The following DLG2 variants were observed in gnomAD, a reference collection of about 807,000 sequenced individuals.
DLG2 encodes the protein disks large homolog 2.
DLG2 carries 45 observed loss-of-function variants against 132.5 expected under a neutral mutation model. That is an observed-to-expected ratio of 0.34 (90% CI 0.27 to 0.44). The LOEUF is 0.44. Among genes scored for constraint, DLG2 ranks in the 20% least tolerant of loss-of-function variants. The pLI, the probability that DLG2 is intolerant of heterozygous loss-of-function variation, is 1.00. For missense variants in DLG2, 1,045 were observed against 1,196.9 expected (o/e 0.87, Z 1.87); for synonymous variants, 424 against 419.6 (o/e 1.01, Z -0.13).
At chr11:84,421,608 T>A (rs953379433) in intron 7 of DLG2, among the ~76,000 whole-genome samples, 1 of 152,220 alleles carries the variant, frequency 6.6e-6, no homozygotes, top group African/African-American at 2.4e-5. Flanking sequence ...GAATCTGATC[T>A]TATCAACCTC....
At chr11:84,867,729 A>C (rs1398911133) in intron 6 of DLG2, among the ~76,000 whole-genome samples, 3 of 152,208 alleles carry the variant, frequency 2.0e-5, no homozygotes, top group Admixed American at 6.5e-5. Context: ...CTGAGAATGT[A>C]AACACATCAA....
At chr11:84,245,938 C>T (rs1246423306) in intron 8 of DLG2, among the ~76,000 whole-genome samples, 1 of 152,178 alleles carries the variant, frequency 6.6e-6, no homozygotes, top group Non-Finnish European at 1.5e-5. Context: ...CTTATTCTGG[C>T]CAATTGGGTG....
intron 6 of DLG2, among the ~76,000 whole-genome samples, chr11:84,998,027 T>A (rs1359890071): frequency 6.6e-6 from 1 of 152,250 alleles, no homozygotes; most frequent in Non-Finnish European, 1.5e-5. Context: ...ATAATTATTT[T>A]AAAATTGTTT....
chr11:85,324,991 G>T (rs1468412629), intron 3 of DLG2, among the ~76,000 whole-genome samples: 25 of 144,822 alleles, frequency 1.7e-4, no homozygotes, highest in African/African-American at 6.3e-4. Context: ...TTCCCTTTCC[G>T]AGTCAAAGAA....
intron 6 of DLG2, among the ~76,000 whole-genome samples, chr11:84,704,496 T>C (rs1210474604): frequency 6.6e-6 from 1 of 151,526 alleles, no homozygotes; most frequent in Non-Finnish European, 1.5e-5. Flanking sequence ...CAGTCATTCC[T>C]TCATGTATAC....
At chr11:84,391,759 C>A (rs2098793220) in intron 7 of DLG2, among the ~76,000 whole-genome samples, 1 of 149,678 alleles carries the variant, frequency 6.7e-6, no homozygotes, top group African/African-American at 2.5e-5. Context: ...TCCTAAAAAC[C>A]AAATTTAAAT....
intron 3 of DLG2, among the ~76,000 whole-genome samples, chr11:85,302,761 T>C (rs933878785): frequency 6.6e-6 from 1 of 151,948 alleles, no homozygotes; most frequent in Non-Finnish European, 1.5e-5. Context: ...AGAATGGCTG[T>C]TGAGGATATA....
At chr11:83,719,194 T>A (rs762413827) in intron 18 of DLG2, among the ~76,000 whole-genome samples, 21 of 152,176 alleles carry the variant, frequency 1.4e-4, no homozygotes, top group Non-Finnish European at 1.2e-4. Flanking sequence ...ATATGGCACT[T>A]GGGACACATT....
At chr11:83,797,219 A>AAAGAAG (rs57382244) in intron 17 of DLG2, among the ~76,000 whole-genome samples, 73 of 151,422 alleles carry the variant, frequency 4.8e-4, no homozygotes, top group East Asian at 1.4e-3. Context: ...TGATGAAGGA[A>AAAGAAG]AAGAAGAAGA....
chr11:84,718,108 C>A (rs1160250478), intron 6 of DLG2, among the ~76,000 whole-genome samples: 3 of 151,894 alleles, frequency 2.0e-5, no homozygotes, highest in African/African-American at 7.2e-5. Flanking sequence ...AAGATAGAAT[C>A]CTTATGTCAA....
At chr11:84,930,574 A>G (rs2047966766) in intron 6 of DLG2, among the ~76,000 whole-genome samples, 1 of 152,128 alleles carries the variant, frequency 6.6e-6, no homozygotes, top group Admixed American at 6.6e-5. Flanking sequence ...CACTTAGTAG[A>G]TAGTTGCCTT....
intron 4 of DLG2, among the ~76,000 whole-genome samples, chr11:85,180,182 C>A (rs1289448782): frequency 6.6e-6 from 1 of 151,776 alleles, no homozygotes; most frequent in Non-Finnish European, 1.5e-5. Context: ...TAATACCATC[C>A]AAAGTTTGAT....
intron 7 of DLG2, among the ~76,000 whole-genome samples, chr11:84,323,348 CTTG>C (rs2098415039): frequency 6.6e-6 from 1 of 152,104 alleles, no homozygotes; most frequent in African/African-American, 2.4e-5. Context: ...AGGATTCACC[CTTG>C]TTGTAGCATA....
chr11:85,606,680 G>A (rs2080572555), intron 2 of DLG2, among the ~76,000 whole-genome samples: 3 of 152,228 alleles, frequency 2.0e-5, no homozygotes, highest in Admixed American at 6.5e-5. Context: ...AAATCTTGCT[G>A]CTGCTCACTC....
At chr11:84,074,666 C>A (rs1486288620) in intron 10 of DLG2, among the ~76,000 whole-genome samples, 2 of 151,704 alleles carry the variant, frequency 1.3e-5, no homozygotes, top group African/African-American at 4.8e-5. Flanking sequence ...GTAGCTGGGA[C>A]TATAGGCGCC....
At chr11:84,613,992 A>G (rs1215657158) in intron 6 of DLG2, among the ~76,000 whole-genome samples, 1 of 152,196 alleles carries the variant, frequency 6.6e-6, no homozygotes, top group African/African-American at 2.4e-5. Context: ...CTGTAATCAG[A>G]TGGAAAAAGA....
In DLG2 at chr11:84,703,914, G is replaced by GTGTA. The variant is rs1555175026; in HGVS notation, c.358-169187_358-169184dup. ...TGTGTGTGTGTGTGTGTGTGTGTGT[G>GTGTA]TGTATTTATATATGTATTTTAGGGT... On this transcript the variant is annotated intron_variant, in intron 6 of 27. Coordinates refer to ENST00000376104, the MANE Select transcript of DLG2 (RefSeq NM_001142699.3). Among the ~76,000 whole-genome samples, 761 of 141,460 alleles carry GTGTA rather than the reference G, an allele frequency of 5.4e-3. 8 individuals carry two copies. Among genetic ancestry groups the GTGTA allele is most frequent in the African/African-American group, 0.02 (728 of 37,036 alleles). 92.8% of individuals were successfully genotyped at this position (141,460 alleles called of 152,430 possible). A position where few individuals can be genotyped will look rare whatever the true frequency, so the allele number is the denominator to read the frequency against.
chr11:84,261,091 A>T (rs1037774014), intron 7 of DLG2, among the ~76,000 whole-genome samples: 2 of 152,232 alleles, frequency 1.3e-5, no homozygotes, highest in East Asian at 3.8e-4. Flanking sequence ...CAGTTGTATT[A>T]TCCAGATTTA....
At chr11:85,399,222 G>C (rs1242014330) in intron 3 of DLG2, among the ~76,000 whole-genome samples, 2 of 151,962 alleles carry the variant, frequency 1.3e-5, no homozygotes, top group African/African-American at 4.8e-5. Flanking sequence ...CCAACTTCCA[G>C]GGGATATGAA....
Sources: gnomAD v4.1 joint callset for allele counts (sites outside exome capture counted in the v4.1 genomes callset) on GRCh38, gnomAD v4.1.1 for gene constraint, MANE v1.5 for transcripts, NCBI Gene and HGNC (gene_info 2026-07-23, HGNC 2026-07-21) for gene names.